PHACTR3: variants seen among roughly 807,000 people sequenced by gnomAD.
The protein encoded by PHACTR3 is protein phosphatase 1, regulatory subunit 123.
A neutral mutation model predicts 66.8 loss-of-function variants in PHACTR3; 16 were observed. The observed-to-expected ratio is 0.24, with a 90% CI of 0.16 to 0.36. The LOEUF (loss-of-function observed/expected upper bound fraction) is 0.36. Among genes scored for constraint, PHACTR3 ranks in the 10% least tolerant of loss-of-function variants. The probability of loss-of-function intolerance (pLI) is 1.00; values close to 1 mark genes in which losing one functional copy is unlikely to be tolerated. For synonymous variants in PHACTR3, 323 were observed against 292.1 expected (o/e 1.11, Z -1.08); for missense variants, 647 against 719.9 (o/e 0.90, Z 1.16).
intron 7 of PHACTR3, among the ~76,000 whole-genome samples, chr20:59,797,373 T>C (rs2041279916): frequency 6.6e-6 from 1 of 152,222 alleles, no homozygotes; most frequent in Non-Finnish European, 1.5e-5. Context: ...ATTGTGGTTT[T>C]TTTTTTGGCA....
At chr20:59,611,387 C>T (rs1047048616) in intron 1 of PHACTR3, among the ~76,000 whole-genome samples, 6 of 152,356 alleles carry the variant, frequency 3.9e-5, no homozygotes, top group African/African-American at 1.4e-4. Context: ...GGAGGAGGCG[C>T]AGCCTGCAGG....
intron 1 of PHACTR3, among the ~76,000 whole-genome samples, chr20:59,704,860 A>G (rs2037642360): frequency 6.6e-6 from 1 of 152,152 alleles, no homozygotes. Flanking sequence ...AGAATTACAT[A>G]AAAGTTATAC....
At chr20:59,704,562 C>CTTTTTTTTTT (rs11331156) in intron 1 of PHACTR3, among the ~76,000 whole-genome samples, 1 of 89,474 alleles carries the variant, frequency 1.1e-5, no homozygotes, top group Non-Finnish European at 2.2e-5. Context: ...TGAGAATAGT[C>CTTTTTTTTTT]TTTTTTTTTT....
At chr20:59,608,922 T>C (rs1248241560) in intron 1 of PHACTR3, among the ~76,000 whole-genome samples, 2 of 152,224 alleles carry the variant, frequency 1.3e-5, no homozygotes, top group Admixed American at 6.5e-5. Context: ...GACAGGGGGC[T>C]TGACCATCAC....
At chr20:59,579,442 G>A (rs1326775818) in intron 1 of PHACTR3, among the ~76,000 whole-genome samples, 2 of 152,196 alleles carry the variant, frequency 1.3e-5, no homozygotes, top group Admixed American at 1.3e-4. Flanking sequence ...CGGGGAGCAG[G>A]GAGGCCCTGA....
intron 1 of PHACTR3, among the ~76,000 whole-genome samples, chr20:59,624,406 C>G (rs1489669303): frequency 6.6e-6 from 1 of 152,106 alleles, no homozygotes; most frequent in Non-Finnish European, 1.5e-5. Flanking sequence ...ATGCTGGGTC[C>G]CTTCCCAGAG....
At chr20:59,796,873 G>A (rs765881224) in intron 7 of PHACTR3, among the ~76,000 whole-genome samples, 2 of 152,166 alleles carry the variant, frequency 1.3e-5, no homozygotes, top group Non-Finnish European at 2.9e-5. Context: ...TGAGTTTCAT[G>A]GATCTGGATG....
chr20:59,769,683 A>G (rs953546525), intron 5 of PHACTR3, among the ~76,000 whole-genome samples: 1 of 152,182 alleles, frequency 6.6e-6, no homozygotes, highest in East Asian at 1.9e-4. Flanking sequence ...TGTCAAATCC[A>G]AGTGCAGGCA....
Position 59,738,665 on chromosome 20 carries a change from C to T in PHACTR3, c.119-4442C>T, listed in dbSNP as rs1488568738. Among the ~76,000 whole-genome samples the T allele has an allele frequency of 1.3e-5, 2 of 152,146 alleles. No individual in the cohort carries two copies. The highest frequency in any genetic ancestry group is 2.1e-4 in the South Asian group (1 of 4,816). On this transcript the variant is annotated intron_variant, in intron 1 of 12. Transcript: ENST00000371015. The surrounding 1 kb of genome is among the most constrained non-coding windows in gnomAD (Gnocchi z 4.4). ...GTCTGTCGTGGGGACCCACCTAACT[C>T]CTTGATGCTGTGGCCCTCAGCAGAC...
chr20:59,675,379 C>A (rs543967916), intron 1 of PHACTR3, among the ~76,000 whole-genome samples: 8 of 152,206 alleles, frequency 5.3e-5, no homozygotes, highest in African/African-American at 1.9e-4. Flanking sequence ...GAATTTGGAC[C>A]TGGATCTGAG....
intron 1 of PHACTR3, among the ~76,000 whole-genome samples, chr20:59,737,272 A>G (rs1314551175): frequency 1.3e-5 from 2 of 152,050 alleles, no homozygotes; most frequent in Non-Finnish European, 2.9e-5. Flanking sequence ...AGGCTCCCTG[A>G]GGAGGCCCTG....
intron 1 of PHACTR3, among the ~76,000 whole-genome samples, chr20:59,709,041 C>T (rs534756032): frequency 2.6e-5 from 4 of 152,022 alleles, no homozygotes; most frequent in Non-Finnish European, 5.9e-5. Flanking sequence ...TCCTTGCTGG[C>T]GGAATCAAAA....
chr20:59,690,405 C>T (rs2037067558), intron 1 of PHACTR3, among the ~76,000 whole-genome samples: 2 of 152,230 alleles, frequency 1.3e-5, no homozygotes, highest in African/African-American at 2.4e-5. Flanking sequence ...GGCCCTCAGA[C>T]GCCGTCCCCA....
At chr20:59,813,920 C>T (rs2041812664) in intron 8 of PHACTR3, among the ~76,000 whole-genome samples, 1 of 152,230 alleles carries the variant, frequency 6.6e-6, no homozygotes, top group Non-Finnish European at 1.5e-5. Context: ...TGTGTCACAT[C>T]GTCCCCTGCT....
At chr20:59,712,342 T>G (rs926880004) in intron 1 of PHACTR3, among the ~76,000 whole-genome samples, 5 of 152,230 alleles carry the variant, frequency 3.3e-5, no homozygotes, top group Non-Finnish European at 7.3e-5. Context: ...TGACCTAACC[T>G]ATCCCATATT....
chr20:59,795,005 C>T (rs1256470525), intron 7 of PHACTR3, among the ~76,000 whole-genome samples: 1 of 151,966 alleles, frequency 6.6e-6, no homozygotes, highest in African/African-American at 2.4e-5. Context: ...TTTATTTCTG[C>T]TCTAACCTTT....
intron 9 of PHACTR3, among the ~76,000 whole-genome samples, chr20:59,839,841 T>C (rs1325450308): frequency 6.6e-6 from 1 of 152,164 alleles, no homozygotes; most frequent in South Asian, 2.1e-4. Context: ...TCTGAACATA[T>C]AAATTCCAGG....
intron 3 of PHACTR3, among the ~76,000 whole-genome samples, chr20:59,752,176 A>G (rs1295228500): frequency 6.6e-6 from 1 of 152,156 alleles, no homozygotes; most frequent in Non-Finnish European, 1.5e-5. Flanking sequence ...ACGCCGGGGG[A>G]CACATGTCTG....
intron 1 of PHACTR3, among the ~76,000 whole-genome samples, chr20:59,740,104 C>G (rs1041385836): frequency 6.6e-6 from 1 of 152,120 alleles, no homozygotes; most frequent in South Asian, 2.1e-4. Flanking sequence ...AGCGTTTACT[C>G]CATCATCATT....
Sources: allele counts gnomAD v4.1 joint callset (sites outside exome capture counted in the v4.1 genomes callset), GRCh38; gene constraint gnomAD v4.1.1; non-coding constraint Gnocchi (gnomAD v3.1); transcripts MANE v1.5; gene names NCBI Gene and HGNC (gene_info 2026-07-23, HGNC 2026-07-21).